The following STAC3 variants were observed in gnomAD, a reference collection of about 807,000 sequenced individuals.
STAC3 encodes SH3 and cysteine rich domain 3, also known as SH3 and cysteine-rich domain-containing protein 3.
A neutral mutation model predicts 48.5 loss-of-function variants in STAC3; 30 were observed. That is an observed-to-expected ratio of 0.62 (90% CI 0.46 to 0.84). The LOEUF is 0.84. Among genes scored for constraint, STAC3 ranks in the 40% least tolerant of loss-of-function variants. The pLI is 0.00. For missense variants in STAC3, 419 were observed against 462.6 expected (o/e 0.91, Z 0.86); for synonymous variants, 144 against 158.6 (o/e 0.91, Z 0.69).
At chr12:57,250,772 A>T (rs1465170005) in intron 1 of STAC3, among the ~76,000 whole-genome samples, 1 of 152,096 alleles carries the variant, frequency 6.6e-6, no homozygotes, top group Non-Finnish European at 1.5e-5. Flanking sequence ...TTTCAGGGTA[A>T]TATGAGCCTT....
chr12:57,246,810 C>CT lies in STAC3; in HGVS notation c.596dup (p.Lys200GlufsTer28). ...GGGGAGGTACAGTGCTCACATTTTT[C>CT]TTATCTGCCTGTCCCTTCTTCCGTT... On this transcript the variant is annotated frameshift_variant, in exon 6 of 12. Transcript: ENST00000332782. LOFTEE classifies it high-confidence loss of function. 1 of 1,613,856 alleles carries CT rather than the reference C, an allele frequency of 6.2e-7. No homozygotes were observed. The highest frequency in any genetic ancestry group is 8.5e-7 in the Non-Finnish European group (1 of 1,179,768).
Position 57,243,577 on chromosome 12 carries a change from C to T in STAC3, c.*235G>A. 1 of 476,368 alleles carries T rather than the reference C, an allele frequency of 2.1e-6. No homozygotes were observed. Among genetic ancestry groups the T allele is most frequent in the Non-Finnish European group, 4.1e-6 (1 of 243,458 alleles). 29.5% of individuals were successfully genotyped at this position (476,368 alleles called of 1,614,324 possible). On this transcript the variant is annotated 3_prime_UTR_variant, in exon 12 of 12. Coordinates refer to ENST00000332782, the MANE Select transcript of STAC3 (RefSeq NM_145064.3). ...GATACGCGTTTTTTTCCAGCTCTTG[C>T]AAGCGGGGCCTGAAAGGTTTCGGGT...
In STAC3 at chr12:57,249,457, G is replaced by A. The variant is rs1198027503; in HGVS notation, c.66+114C>T. The A allele has an allele frequency of 2.7e-6, 4 of 1,505,826 alleles. No individual in the cohort carries two copies. In the Admixed American group the frequency reaches 5.6e-5, roughly 21 times the overall value. The allele number at this position is 1,505,826 out of a possible 1,614,324, so 93.3% of individuals were successfully genotyped here. A position where few individuals can be genotyped will look rare whatever the true frequency, so the allele number is the denominator to read the frequency against. On this transcript the variant is annotated intron_variant, in intron 2 of 11. Transcript: ENST00000332782. The stretch of plus-strand genomic sequence containing the variant: ...GGGGGTATTGGTATTGGGGACTGCA[G>A]GTGCTGGCCAGCAAAAAATGAGTCA...
rs368287828 is a variant in STAC3, at chr12:57,244,091, G to C, written c.993C>G (p.Asp331Glu). 6.2e-7 allele frequency: 1 copy of C among 1,613,962 alleles called. No individual in the cohort carries two copies. The highest frequency in any genetic ancestry group is 8.5e-7 in the Non-Finnish European group (1 of 1,180,032). The change falls in exon 11 of 12, where the codon GAC becomes GAG. Residue 331 changes from aspartate to glutamate, a missense_variant. Physicochemically the swap from Asp to Glu is conservative, Grantham distance 45 (BLOSUM62 2). Coordinates refer to ENST00000332782, the MANE Select transcript of STAC3 (RefSeq NM_145064.3). ...TTGGGTTGGGGCAACAGCCTACCTG[G>C]TCCTTCTTGAGAGTGATCTGCCCTA... is the stretch of plus-strand genomic sequence containing the variant. ...REIGQITLKK[D>E]QIVVQKGDEA...
At chr12:57,248,677 C>A in intron 4 of STAC3, 29 bp downstream of exon 4, 4 of 1,588,600 alleles carry the variant, frequency 2.5e-6, no homozygotes, top group East Asian at 2.2e-5. Context: ...GTGGCCATGT[C>A]CCCTCCTTGC....
chr12:57,245,691 C>T (rs1484642449), intron 6 of STAC3, among the ~76,000 whole-genome samples: 4 of 150,574 alleles, frequency 2.7e-5, no homozygotes, highest in Non-Finnish European at 4.4e-5. Flanking sequence ...TTCCCTAAAA[C>T]ATCCTATCAG....
intron 1 of STAC3, among the ~76,000 whole-genome samples, chr12:57,250,632 T>A (rs888545096): frequency 3.3e-5 from 5 of 152,168 alleles, no homozygotes; most frequent in Admixed American, 6.5e-5. Context: ...AGAGGTTTAA[T>A]GTGTGTCCTC....
At chr12:57,245,673 C>A (rs1257932802) in intron 6 of STAC3, among the ~76,000 whole-genome samples, 6 of 152,224 alleles carry the variant, frequency 3.9e-5, no homozygotes, top group South Asian at 4.2e-4. Context: ...CCCGGCCATG[C>A]AGGGACTTTC....
rs539864112 is a variant in STAC3 at position 57,243,785 on chromosome 12, G to A, written c.*27C>T. The A allele has an allele frequency of 7.7e-5, 123 of 1,603,592 alleles. 2 individuals are homozygous for A. In the South Asian group the frequency reaches 1.3e-3, roughly 17 times the overall value. On this transcript the variant is annotated 3_prime_UTR_variant, in exon 12 of 12. Coordinates refer to ENST00000332782, the MANE Select transcript of STAC3 (RefSeq NM_145064.3). The stretch of plus-strand genomic sequence containing the variant: ...GGCCCGCCCAGAATGGGGTGTGGGT[G>A]TCTCCCGCTTGCAGGCGCCCGCACG...
rs774366540 is a variant in STAC3, at chr12:57,244,046, G to C, written c.996+42C>G. ...GCTCTCCAAGGAGTGTGGTGGGCTA[G>C]GGAGCATTCAGGCCTGGGATTGGGT... On this transcript the variant is annotated intron_variant, in intron 11 of 11. Transcript: ENST00000332782. The C allele has an allele frequency of 1.9e-6, 3 of 1,613,588 alleles. No individual in the cohort carries two copies. In the South Asian group the frequency reaches 3.3e-5, roughly 18 times the overall value.
chr12:57,244,580 G>C lies in STAC3; in HGVS notation c.763C>G (p.Leu255Val), dbSNP rs755737509. 2.5e-5 allele frequency: 41 copies of C among 1,614,110 alleles called. No homozygotes were observed. The South Asian group carries it at 4.4e-4, about 17-fold the overall frequency. Residue 255 changes from leucine (L) to valine (V), a missense_variant, in exon 9 of 12, where the codon CTC becomes GTC. Transcript: ENST00000332782. ...GFQQSHYFVA[L>V]YRFKALEKDD... ...TTCTCCAGGGCTTTGAACCGATAGA[G>C]AGCCACAAAGTAATGAGACTGCTGG...
chr12:57,250,144 C>CT (rs1235284069), intron 1 of STAC3, among the ~76,000 whole-genome samples: 1 of 151,850 alleles, frequency 6.6e-6, no homozygotes, highest in Non-Finnish European at 1.5e-5. Flanking sequence ...AATCCCAGCA[C>CT]TTTGGGAGGC....
chr12:57,243,531 A>C lies in STAC3; in HGVS notation c.*281T>G, dbSNP rs1293862620. 6.1e-5 allele frequency: 23 copies of C among 378,092 alleles called. No homozygotes were observed. The highest frequency in any genetic ancestry group is 9.6e-5 in the East Asian group (1 of 10,450). The allele number at this position is 378,092 out of a possible 1,614,324, so 23.4% of individuals were successfully genotyped here. On this transcript the variant is annotated 3_prime_UTR_variant, in exon 12 of 12. Transcript: ENST00000332782. ...CTCCCTCGCCCCCGCCCCCCGCCCC[A>C]GTCCCTGGCTCCTCCTAGTAGATAC...
At chr12:57,244,848 A>G in intron 8 of STAC3, 68 bp downstream of exon 8, 1 of 1,571,456 alleles carries the variant, frequency 6.4e-7, no homozygotes, top group Non-Finnish European at 8.8e-7. Context: ...TGCCAGGGCC[A>G]TGAGTAGTGG....
At chr12:57,246,520 C>T (rs1042612027) in intron 6 of STAC3, among the ~76,000 whole-genome samples, 3 of 151,894 alleles carry the variant, frequency 2.0e-5, no homozygotes, top group African/African-American at 7.3e-5. Context: ...GGATTACAAG[C>T]GAGCACCACC....
intron 5 of STAC3, 64 bp from the exon 6 acceptor site, chr12:57,246,965 A>C (rs1003501988): frequency 6.6e-7 from 1 of 1,517,782 alleles, no homozygotes; most frequent in African/African-American, 1.4e-5. Context: ...GGAGGAAAGG[A>C]AGGGAGAGGT....
At chr12:57,248,375 C>CTA in intron 4 of STAC3, 177 bp from the exon 5 acceptor site, 2 of 577,150 alleles carry the variant, frequency 3.5e-6, no homozygotes, top group East Asian at 2.9e-5. Flanking sequence ...GACATGTCCC[C>CTA]TCTTTTTTTT....
rs1409329875 is a variant in STAC3, at chr12:57,244,014, TG to T, written c.996+73del. 3 of 1,610,600 alleles carry T rather than the reference TG, an allele frequency of 1.9e-6. No individual in the cohort carries two copies. The Admixed American group carries it at 5.0e-5, about 27-fold the overall frequency. ...CAGGGGCTCACCCTAGTCTTATTAA[TG>T]GTTAAGCTCTCCAAGGAGTGTGGTG... On this transcript the variant is annotated intron_variant, in intron 11 of 11. Transcript: ENST00000332782.
intron 5 of STAC3, among the ~76,000 whole-genome samples, chr12:57,247,186 T>C (rs116126605): frequency 0.012 from 1,875 of 152,194 alleles, 28 homozygotes; most frequent in East Asian, 0.05. Flanking sequence ...ACAACTTTGC[T>C]TGCTTGGGAG....
Sources: gnomAD v4.1 joint callset for allele counts (sites outside exome capture counted in the v4.1 genomes callset) on GRCh38, gnomAD v4.1.1 for gene constraint, MANE v1.5 for transcripts, NCBI Gene and HGNC (gene_info 2026-07-23, HGNC 2026-07-21) for gene names.